The following LRP12 variants were observed in gnomAD, a reference collection of about 807,000 sequenced individuals.
LRP12 encodes the protein LDL receptor related protein 12, also known as low-density lipoprotein receptor-related protein 12.
A neutral mutation model predicts 66.0 loss-of-function variants in LRP12; 14 were observed. That is an observed-to-expected ratio of 0.21 (90% CI 0.14 to 0.33). The LOEUF (loss-of-function observed/expected upper bound fraction) is 0.33, where lower values mean the gene tolerates loss of function less well. LRP12 is among the 10% of genes least tolerant of loss of function. The pLI, the probability that LRP12 is intolerant of heterozygous loss-of-function variation, is 1.00. For missense variants in LRP12, 889 were observed against 1,053.4 expected (o/e 0.84, Z 2.16); for synonymous variants, 357 against 359.1 (o/e 0.99, Z 0.07).
chr8:104,548,287 T>C (rs1434751367), intron 1 of LRP12, among the ~76,000 whole-genome samples: 38 of 77,878 alleles, frequency 4.9e-4, no homozygotes, highest in African/African-American at 2.6e-3. Context: ...TATTAATATA[T>C]CATATATTTA....
intron 3 of LRP12, among the ~76,000 whole-genome samples, 178 bp from the exon 4 acceptor site, chr8:104,499,697 T>G (rs1588483399): frequency 6.6e-6 from 1 of 152,222 alleles, no homozygotes; most frequent in East Asian, 1.9e-4. Flanking sequence ...TCCTCATATT[T>G]GTATTTCTTC....
At chr8:104,550,852 CT>C (rs914904217) in intron 1 of LRP12, among the ~76,000 whole-genome samples, 3 of 152,128 alleles carry the variant, frequency 2.0e-5, no homozygotes, top group African/African-American at 7.2e-5. Flanking sequence ...GGTTTTCCTA[CT>C]TTTGGTCTCA....
intron 1 of LRP12, among the ~76,000 whole-genome samples, chr8:104,542,994 A>AATATAAATAAATATATATATAT (rs544043214): frequency 6.9e-6 from 1 of 144,116 alleles, no homozygotes; most frequent in African/African-American, 2.6e-5. Flanking sequence ...AACACACACA[A>AATATAAATAAATATATATATAT]ATATATATAT....
intron 1 of LRP12, among the ~76,000 whole-genome samples, chr8:104,537,547 G>A (rs1454014422): frequency 6.6e-6 from 1 of 152,034 alleles, no homozygotes; most frequent in Non-Finnish European, 1.5e-5. Context: ...ACCAGACCAG[G>A]AAGTCCACCC....
rs557315643 is a variant in LRP12, at chr8:104,500,698, G to A, written c.273-1179C>T. On this transcript the variant is annotated intron_variant, in intron 3 of 6. Transcript: ENST00000276654. Reference sequence around the variant, plus strand: ...AACCTGGGCAACAGAGTGAGACTCCGTCTCAAACAAAACAAAACCAAACAA... The same window carrying A: ...AACCTGGGCAACAGAGTGAGACTCCATCTCAAACAAAACAAAACCAAACAA... Among the ~76,000 whole-genome samples the A allele has an allele frequency of 7.9e-5, 12 of 152,260 alleles. No homozygotes were observed. The South Asian group carries it at 1.2e-3, about 16-fold the overall frequency.
chr8:104,498,634 T>C (rs1382993330), intron 4 of LRP12, among the ~76,000 whole-genome samples: 1 of 152,208 alleles, frequency 6.6e-6, no homozygotes, highest in Non-Finnish European at 1.5e-5. Flanking sequence ...CTATCATTGA[T>C]GGGCATTTGG....
At chr8:104,548,273 A>AT (rs1472658049) in intron 1 of LRP12, among the ~76,000 whole-genome samples, 1 of 89,106 alleles carries the variant, frequency 1.1e-5, no homozygotes, top group Non-Finnish European at 1.8e-5. Flanking sequence ...TATGATATAT[A>AT]TTATATTAAT....
At chr8:104,548,985 G>GC (rs1811684945) in intron 1 of LRP12, among the ~76,000 whole-genome samples, 1 of 150,398 alleles carries the variant, frequency 6.6e-6, no homozygotes, top group Admixed American at 6.6e-5. Context: ...TTTATCAGAG[G>GC]CTTTACAATG....
chr8:104,530,885 G>A (rs897265476), intron 2 of LRP12, among the ~76,000 whole-genome samples: 1 of 152,048 alleles, frequency 6.6e-6, no homozygotes, highest in Non-Finnish European at 1.5e-5. Flanking sequence ...ATTTGAGAAT[G>A]TATTTTTAAA....
chr8:104,564,583 A>C (rs186916235), intron 1 of LRP12, among the ~76,000 whole-genome samples: 2 of 151,998 alleles, frequency 1.3e-5, no homozygotes, highest in African/African-American at 4.8e-5. Context: ...TAAGAAAGAC[A>C]CAAATCAGCA....
At chr8:104,523,785 T>C (rs1385139680) in intron 2 of LRP12, among the ~76,000 whole-genome samples, 1 of 152,180 alleles carries the variant, frequency 6.6e-6, no homozygotes, top group Non-Finnish European at 1.5e-5. Flanking sequence ...ATATGTACTG[T>C]AGACTGAGGT....
rs568728413 is a variant in LRP12 at position 104,547,536 on chromosome 8, T to C, written c.80-15573A>G. On this transcript the variant is annotated intron_variant, in intron 1 of 6. Transcript: ENST00000276654. ...TATAATATATAATTGTTATATTTTG[T>C]ATATAATATATAATTACATATTATA... Among the ~76,000 whole-genome samples the C allele has an allele frequency of 2.7e-3, 344 of 126,088 alleles. 1 individual carries two copies. Among genetic ancestry groups the C allele is most frequent in the Non-Finnish European group, 4.6e-3 (300 of 64,568 alleles). The allele number at this position is 126,088 out of a possible 152,430, so 82.7% of individuals were successfully genotyped here.
At chr8:104,535,113 C>T (rs550157116) in intron 1 of LRP12, among the ~76,000 whole-genome samples, 1 of 151,290 alleles carries the variant, frequency 6.6e-6, no homozygotes, top group Non-Finnish European at 1.5e-5. Context: ...GTAGATAAAC[C>T]CTAAAAAAGA....
In LRP12 at chr8:104,497,371, C is replaced by A; in HGVS notation, c.1181G>T (p.Arg394Leu). ...TGGGCAATGCCAATACCCATCACAA[C>A]GCTGCTGCTCAGTATAACACCCCCA... ...GNWGCYTEQQ[R>L]CDGYWHCPNG... Residue 394 changes from arginine (R) to leucine (L), a missense_variant, in exon 5 of 7, where the codon CGT becomes CTT. Around this residue, in one of 3 missense-constraint regions of LRP12, gnomAD observed 800 missense variants for 964.5 expected, o/e 0.83. Transcript: ENST00000276654. The surrounding 1 kb of genome is among the most constrained non-coding windows in gnomAD (Gnocchi z 4.3). 6.2e-7 allele frequency: 1 copy of A among 1,613,862 alleles called. No homozygotes were observed. Among genetic ancestry groups the A allele is most frequent in the Non-Finnish European group, 8.5e-7 (1 of 1,179,884 alleles).
intron 1 of LRP12, 142 bp downstream of exon 1, chr8:104,588,677 T>A: frequency 1.7e-6 from 1 of 599,532 alleles, no homozygotes; most frequent in Non-Finnish European, 2.9e-6. Context: ...TTCCGCCACA[T>A]CCACCCCCTC....
At chr8:104,546,887 T>TATATATTA (rs1252343167) in intron 1 of LRP12, among the ~76,000 whole-genome samples, 13 of 142,780 alleles carry the variant, frequency 9.1e-5, no homozygotes, top group Non-Finnish European at 1.5e-4. Flanking sequence ...ATTATTCTTC[T>TATATATTA]TATAATTATT....
At chr8:104,512,416 C>T (rs953269432) in intron 2 of LRP12, among the ~76,000 whole-genome samples, 1 of 152,152 alleles carries the variant, frequency 6.6e-6, no homozygotes, top group African/African-American at 2.4e-5. Context: ...AAACAATCAT[C>T]ACCCTTTCCC....
intron 1 of LRP12, among the ~76,000 whole-genome samples, chr8:104,587,112 T>C (rs1326669403): frequency 6.6e-6 from 1 of 152,216 alleles, no homozygotes; most frequent in East Asian, 1.9e-4. Context: ...AAAAGACTTC[T>C]AGTTCAAACA....
chr8:104,520,118 T>C (rs75139456), intron 2 of LRP12, among the ~76,000 whole-genome samples: 1,859 of 151,992 alleles, frequency 0.012, 36 homozygotes, highest in African/African-American at 0.042. Flanking sequence ...AGAAACTGAA[T>C]ATACCCACCT....
Sources: allele counts gnomAD v4.1 joint callset (sites outside exome capture counted in the v4.1 genomes callset), GRCh38; gene constraint gnomAD v4.1.1; regional missense constraint gnomAD v4.1.1; non-coding constraint Gnocchi (gnomAD v3.1); transcripts MANE v1.5; gene names NCBI Gene and HGNC (gene_info 2026-07-23, HGNC 2026-07-21).